Variants in MARVELD3 observed in about 807,000 individuals in gnomAD.
The protein encoded by MARVELD3 is MARVEL domain-containing protein 3.
Under a neutral mutation model 33.5 loss-of-function variants are expected in MARVELD3, and 28 were observed. The observed-to-expected ratio is 0.84, with a 90% CI of 0.62 to 1.15. The LOEUF is 1.15. Among genes scored for constraint, MARVELD3 ranks in the 50% most tolerant of loss-of-function variants. The pLI is 0.00. For synonymous variants in MARVELD3, 241 were observed against 230.4 expected (o/e 1.05, Z -0.42); for missense variants, 582 against 547.6 (o/e 1.06, Z -0.63).
chr16:71,634,343 G>A lies in MARVELD3; in HGVS notation c.746G>A (p.Gly249Asp), dbSNP rs757946866. 22 of 1,614,192 alleles carry A rather than the reference G, an allele frequency of 1.4e-5. No individual in the cohort carries two copies. Among genetic ancestry groups the A allele is most frequent in the Non-Finnish European group, 1.9e-5 (22 of 1,180,044 alleles). Reference protein sequence around the residue: ...QFGGAYSGFDGADGEKAQQLD... With the variant: ...QFGGAYSGFDDADGEKAQQLD... Reference sequence around the variant, plus strand: ...GGAGGGGCTTACAGTGGCTTTGATGGTGCTGACGGGGAGAAGGCCCAGCAA... The same window carrying A: ...GGAGGGGCTTACAGTGGCTTTGATGATGCTGACGGGGAGAAGGCCCAGCAA... The change falls in exon 3 of 3, where the codon GGT (glycine) becomes GAT (aspartate). Residue 249 changes from glycine to aspartate, a missense_variant. Coordinates refer to ENST00000268485, the MANE Select transcript of MARVELD3 (RefSeq NM_052858.6).
chr16:71,638,129 G>A (rs1169299257), downstream of MARVELD3: 3 of 152,150 alleles, frequency 2.0e-5, no homozygotes, highest in African/African-American at 7.2e-5. Flanking sequence ...GGAATGGCAG[G>A]AGACCCTCTC....
chr16:71,641,172 G>A, downstream of MARVELD3: 1 of 1,060,050 alleles, frequency 9.4e-7, no homozygotes, highest in Non-Finnish European at 1.3e-6. Flanking sequence ...AAGAATTGAG[G>A]ACGGGCATGG....
In MARVELD3 at chr16:71,626,285, C is replaced by CG. The variant is rs772348161; in HGVS notation, c.59dup (p.Arg21ThrfsTer83). 59 of 1,541,104 alleles carry CG rather than the reference C, an allele frequency of 3.8e-5. No homozygotes were observed. In the African/African-American group the frequency reaches 7.6e-4, roughly 20 times the overall value. Reference sequence around the variant, plus strand: ...CGGGCCCGGCCGAGAGAGCGGGACCCGGGACGGCGCCCCCACCCAGACCAA... The same window carrying CG: ...CGGGCCCGGCCGAGAGAGCGGGACCCGGGGACGGCGCCCCCACCCAGACCAA... On this transcript the variant is annotated frameshift_variant, in exon 1 of 3. Transcript: ENST00000268485. LOFTEE classifies it high-confidence loss of function. This position sits in a 1 kb window ranked among gnomAD's most constrained non-coding sequence, Gnocchi z 5.3.
chr16:71,640,371 C>G, downstream of MARVELD3: 2 of 1,610,064 alleles, frequency 1.2e-6, no homozygotes, highest in East Asian at 4.5e-5. Context: ...TGTTAAAGCC[C>G]GAATCTCTCT....
intron 1 of MARVELD3, 47 bp from the exon 2 acceptor site, chr16:71,629,320 A>G (rs2044504466): frequency 2.7e-6 from 4 of 1,506,758 alleles, no homozygotes; most frequent in Non-Finnish European, 3.5e-6. Context: ...CCTGAACGCT[A>G]TTGAATGAGA....
intron 2 of MARVELD3, among the ~76,000 whole-genome samples, chr16:71,632,026 T>C (rs2044538738): frequency 6.6e-6 from 1 of 152,162 alleles, no homozygotes; most frequent in South Asian, 2.1e-4. Context: ...CCAGCTTATA[T>C]GATGTTGAGC....
chr16:71,641,874 T>C (rs1309868823), exon 3 of MARVELD3: 1 of 152,186 alleles, frequency 6.6e-6, no homozygotes, highest in Non-Finnish European at 1.5e-5. Context: ...TCTTCAAAGG[T>C]AGATAGTAAT....
chr16:71,635,421 A>G lies in MARVELD3; in HGVS notation c.*618A>G. On this transcript the variant is annotated 3_prime_UTR_variant, in exon 3 of 3. Transcript: ENST00000268485. The stretch of plus-strand genomic sequence containing the variant: ...GTGCACCTCTTCATTCAGTAAAGGG[A>G]GGTCACCAAGAGAATTTGATGAACC... 1 of 984,722 alleles carries G rather than the reference A, an allele frequency of 1.0e-6. No individual in the cohort carries two copies. 61.0% of individuals were successfully genotyped at this position (984,722 alleles called of 1,614,324 possible).
Position 71,634,670 on chromosome 16 carries a change from G to C in MARVELD3, c.1073G>C (p.Gly358Ala). ...AGCGGTTTCGGCTGCAGTTTCCACG[G>C]AGCAGATATAGGAGCTGGAATCTTT... ...GYSGFGCSFHGADIGAGIFAA... is the reference protein window; with the variant it reads ...GYSGFGCSFHAADIGAGIFAA... Residue 358 changes from glycine (G) to alanine (A), a missense_variant, in exon 3 of 3, where the codon GGA becomes GCA. Coordinates refer to ENST00000268485, the MANE Select transcript of MARVELD3 (RefSeq NM_052858.6). 1.2e-6 allele frequency: 2 copies of C among 1,614,202 alleles called. No individual in the cohort carries two copies. Among genetic ancestry groups the C allele is most frequent in the South Asian group, 2.2e-5 (2 of 91,066 alleles).
chr16:71,635,495 G>T lies in MARVELD3; in HGVS notation c.*692G>T. On this transcript the variant is annotated 3_prime_UTR_variant, in exon 3 of 3. Coordinates refer to ENST00000268485, the MANE Select transcript of MARVELD3 (RefSeq NM_052858.6). ...AGTGGCTCACACCTGTAATCCCAGA[G>T]CTTTGGGAGGCTGAGGTAGGAGGAT... is the stretch of plus-strand genomic sequence containing the variant. 1 of 984,406 alleles carries T rather than the reference G, an allele frequency of 1.0e-6. No individual in the cohort carries two copies. The highest frequency in any genetic ancestry group is 1.2e-6 in the Non-Finnish European group (1 of 829,666). The allele number at this position is 984,406 out of a possible 1,614,324, so 61.0% of individuals were successfully genotyped here. A position where few individuals can be genotyped will look rare whatever the true frequency, so the allele number is the denominator to read the frequency against.
Position 71,626,470 on chromosome 16 carries a change from A to C in MARVELD3, c.241A>C (p.Arg81=), listed in dbSNP as rs2044471385. Residue 81 remains arginine (R), a synonymous_variant, in exon 1 of 3, where the codon AGG becomes CGG. Coordinates refer to ENST00000268485, the MANE Select transcript of MARVELD3 (RefSeq NM_052858.6). This position sits in a 1 kb window ranked among gnomAD's most constrained non-coding sequence, Gnocchi z 5.3. ...RNRDRERERE[R]ERDPDRGPRR... ...CCGGGACCGGGAGAGGGAGAGAGAG[A>C]GGGAAAGAGACCCGGACCGAGGCCC... The C allele has an allele frequency of 1.3e-6, 2 of 1,549,310 alleles. No homozygotes were observed. Among genetic ancestry groups the C allele is most frequent in the Non-Finnish European group, 1.7e-6 (2 of 1,146,716 alleles).
chr16:71,629,053 G>T (rs1280919642), intron 1 of MARVELD3: 7 of 286,582 alleles, frequency 2.4e-5, no homozygotes. Context: ...AAGAGGCCTG[G>T]TGCATGCTGA....
chr16:71,626,512 A>G lies in MARVELD3; in HGVS notation c.283A>G (p.Arg95Gly). ...PDRGPRRDTHRDAGPRAGEHG... is the reference protein window; with the variant it reads ...PDRGPRRDTHGDAGPRAGEHG... ...CCGAGGCCCCCGCCGGGACACACACAGGGACGCGGGCCCTCGCGCAGGTGA... is the reference window on the plus strand; with the variant it reads ...CCGAGGCCCCCGCCGGGACACACACGGGGACGCGGGCCCTCGCGCAGGTGA... The change falls in exon 1 of 3, where the codon AGG (arginine) becomes GGG (glycine). Residue 95 changes from arginine to glycine, a missense_variant. Coordinates refer to ENST00000268485, the MANE Select transcript of MARVELD3 (RefSeq NM_052858.6). The surrounding 1 kb of genome is among the most constrained non-coding windows in gnomAD (Gnocchi z 5.3). The G allele has an allele frequency of 6.5e-7, 1 of 1,549,806 alleles. No homozygotes were observed. Among genetic ancestry groups the G allele is most frequent in the Non-Finnish European group, 8.7e-7 (1 of 1,146,822 alleles).
At position 71,635,800 on chromosome 16, in the gene MARVELD3, T is replaced by C. The variant is rs2044577827; in HGVS notation, c.*997T>C. 1 of 985,240 alleles carries C rather than the reference T, an allele frequency of 1.0e-6. No individual in the cohort carries two copies. Among genetic ancestry groups the C allele is most frequent in the Non-Finnish European group, 1.2e-6 (1 of 829,942 alleles). The allele number at this position is 985,240 out of a possible 1,614,324, so 61.0% of individuals were successfully genotyped here. On this transcript the variant is annotated 3_prime_UTR_variant, in exon 3 of 3. Transcript: ENST00000268485. ...GGGGACTCTTGGGAAACTACTCCTG[T>C]AAAATTGAAGTTGGAGGTAGGCGTG...
In MARVELD3 at chr16:71,634,831, A is replaced by G. The variant is rs2145282061; in HGVS notation, c.*28A>G. 4 of 1,550,614 alleles carry G rather than the reference A, an allele frequency of 2.6e-6. No homozygotes were observed. The highest frequency in any genetic ancestry group is 2.6e-6 in the Non-Finnish European group (3 of 1,150,388). On this transcript the variant is annotated 3_prime_UTR_variant, in exon 3 of 3. Coordinates refer to ENST00000268485, the MANE Select transcript of MARVELD3 (RefSeq NM_052858.6). ...GTTTCTAAAACGCTCTGACAGATGCAAGTGGTGGTGGAAGGTAGTCTGAGC... is the reference window on the plus strand; with the variant it reads ...GTTTCTAAAACGCTCTGACAGATGCGAGTGGTGGTGGAAGGTAGTCTGAGC...
chr16:71,637,525 G>A (rs980767344), downstream of MARVELD3, among the ~76,000 whole-genome samples: 6 of 152,142 alleles, frequency 3.9e-5, no homozygotes, highest in South Asian at 4.1e-4. Flanking sequence ...TTAGTCTGAC[G>A]TTATTTTCAG....
intron 2 of MARVELD3, among the ~76,000 whole-genome samples, chr16:71,630,314 T>C (rs1037896588): frequency 6.8e-6 from 1 of 148,042 alleles, no homozygotes; most frequent in Non-Finnish European, 1.5e-5. Flanking sequence ...TCAAAAATAT[T>C]AAAAATTTAA....
chr16:71,626,896 CAACT>C lies in MARVELD3; in HGVS notation c.467+204_467+207del, dbSNP rs2145269781. 2.0e-6 allele frequency: 1 copy of C among 504,004 alleles called. No homozygotes were observed. Among genetic ancestry groups the C allele is most frequent in the African/African-American group, 2.0e-5 (1 of 49,242 alleles). 31.2% of individuals were successfully genotyped at this position (504,004 alleles called of 1,614,324 possible). On this transcript the variant is annotated intron_variant, in intron 1 of 2. Transcript: ENST00000268485. This position sits in a 1 kb window ranked among gnomAD's most constrained non-coding sequence, Gnocchi z 5.3. ...GTTCCCCCTTCTCGTGGCCTGAACC[CAACT>C]AACAAAGCAAAAACCACCCCTGTGA...
At chr16:71,639,448 T>C (rs1364525200), downstream of MARVELD3, 1 of 33,374 alleles carries the variant, frequency 3.0e-5, no homozygotes, top group African/African-American at 2.0e-4. Context: ...TTTCATTCCT[T>C]TTTTTTTTTT....
Sources: allele counts gnomAD v4.1 joint callset (sites outside exome capture counted in the v4.1 genomes callset), GRCh38; gene constraint gnomAD v4.1.1; non-coding constraint Gnocchi (gnomAD v3.1); transcripts MANE v1.5; gene names NCBI Gene and HGNC (gene_info 2026-07-23, HGNC 2026-07-21).